CFAP61: variants seen among roughly 807,000 people sequenced by gnomAD.
CFAP61 encodes cilia and flagella associated protein 61.
A neutral mutation model predicts 135.6 loss-of-function variants in CFAP61; 107 were observed. The observed-to-expected ratio is 0.79, with a 90% CI of 0.67 to 0.93. The LOEUF (loss-of-function observed/expected upper bound fraction) is 0.93. Ranked by LOEUF, CFAP61 falls within the 40% of genes least tolerant of loss-of-function variation. CFAP61 has a pLI of 0.00. For missense variants in CFAP61, 1,507 were observed against 1,556.2 expected (o/e 0.97, Z 0.53); for synonymous variants, 575 against 578.5 (o/e 0.99, Z 0.09).
At chr20:20,291,722 C>T (rs1349106034) in intron 24 of CFAP61, among the ~76,000 whole-genome samples, 1 of 152,178 alleles carries the variant, frequency 6.6e-6, no homozygotes, top group Non-Finnish European at 1.5e-5. Context: ...AAAGCAGAAG[C>T]TGTGCAGTTG....
At chr20:20,342,983 C>T (rs1038304182) in intron 26 of CFAP61, among the ~76,000 whole-genome samples, 4 of 152,038 alleles carry the variant, frequency 2.6e-5, no homozygotes, top group Non-Finnish European at 5.9e-5. Flanking sequence ...GCCTCAGCCT[C>T]CCGAGTAGCT....
At chr20:20,272,994 A>G (rs536444556) in intron 21 of CFAP61, among the ~76,000 whole-genome samples, 4 of 151,938 alleles carry the variant, frequency 2.6e-5, no homozygotes, top group Non-Finnish European at 5.9e-5. Flanking sequence ...CCCAGAAGTT[A>G]TATCAGCCTC....
chr20:20,199,727 C>T, intron 16 of CFAP61, 41 bp from the exon 17 acceptor site: 1 of 1,611,802 alleles, frequency 6.2e-7, no homozygotes. Context: ...CTGAGCCTCT[C>T]TGACATTCTC....
chr20:20,095,068 T>C (rs2047469536), intron 7 of CFAP61, among the ~76,000 whole-genome samples: 1 of 152,190 alleles, frequency 6.6e-6, no homozygotes, highest in African/African-American at 2.4e-5. Context: ...ACAAAGTTAA[T>C]AAATACTTGA....
At chr20:20,160,759 C>A (rs1397373132) in intron 10 of CFAP61, among the ~76,000 whole-genome samples, 1 of 152,210 alleles carries the variant, frequency 6.6e-6, no homozygotes, top group Non-Finnish European at 1.5e-5. Flanking sequence ...TCTTCCTGAG[C>A]ACTCTGTGAA....
Position 20,294,937 on chromosome 20 carries a change from A to AAATAATAATAAT in CFAP61, c.3217-3215_3217-3204dup, listed in dbSNP as rs11474551. On this transcript the variant is annotated intron_variant, in intron 24 of 26. Transcript: ENST00000245957. ...GCGACAGAGCGAGACTCCGTCTCAA[A>AAATAATAATAAT]AATAATAATAATAATAATAATAATA... Among the ~76,000 whole-genome samples, 1,216 of 142,858 alleles carry AAATAATAATAAT rather than the reference A, an allele frequency of 8.5e-3. 7 individuals carry two copies. Among genetic ancestry groups the AAATAATAATAAT allele is most frequent in the African/African-American group, 0.023 (877 of 38,740 alleles). 93.7% of individuals were successfully genotyped at this position (142,858 alleles called of 152,430 possible). A position where few individuals can be genotyped will look rare whatever the true frequency, so the allele number is the denominator to read the frequency against.
intron 9 of CFAP61, among the ~76,000 whole-genome samples, chr20:20,143,732 T>C (rs2051616427): frequency 1.3e-5 from 2 of 152,160 alleles, no homozygotes; most frequent in African/African-American, 4.8e-5. Flanking sequence ...TCCCGAGTCT[T>C]TAAGTCCATG....
At chr20:20,238,891 T>G (rs1223550497) in intron 18 of CFAP61, among the ~76,000 whole-genome samples, 5 of 152,226 alleles carry the variant, frequency 3.3e-5, no homozygotes, top group Non-Finnish European at 7.4e-5. Flanking sequence ...CCCACTGGAA[T>G]TATTTGCTGT....
chr20:20,269,117 C>CTATATATATA lies in CFAP61; in HGVS notation c.2503+6008_2503+6017dup, dbSNP rs142189443. ...CGCATTGTCTGGTTCTATTCGTGGG[C>CTATATATATA]TATATATATATATATATATATATAT... On this transcript the variant is annotated intron_variant, in intron 21 of 26. Coordinates refer to ENST00000245957, the MANE Select transcript of CFAP61 (RefSeq NM_015585.4). 1.6e-3 allele frequency among the ~76,000 whole-genome samples: 168 copies of CTATATATATA among 104,552 alleles called. 2 individuals are homozygous for CTATATATATA. Among genetic ancestry groups the CTATATATATA allele is most frequent in the Middle Eastern group, 5.8e-3 (1 of 172 alleles). The allele number at this position is 104,552 out of a possible 152,430, so 68.6% of individuals were successfully genotyped here.
At chr20:20,155,662 G>GA (rs2052841675) in intron 9 of CFAP61, among the ~76,000 whole-genome samples, 1 of 151,918 alleles carries the variant, frequency 6.6e-6, no homozygotes, top group South Asian at 2.1e-4. Context: ...ACAAACATAC[G>GA]AAAAAATGCT....
At chr20:20,091,034 G>C in intron 7 of CFAP61, 58 bp downstream of exon 7, 1 of 1,592,724 alleles carries the variant, frequency 6.3e-7, no homozygotes. Context: ...GATGTGAGTG[G>C]TGTTGCTCTT....
chr20:20,155,951 G>T (rs1601026749), intron 9 of CFAP61, among the ~76,000 whole-genome samples: 1 of 152,242 alleles, frequency 6.6e-6, no homozygotes, highest in East Asian at 1.9e-4. Flanking sequence ...GTCATTATAT[G>T]AAAAATACAC....
intron 19 of CFAP61, among the ~76,000 whole-genome samples, chr20:20,251,037 T>C (rs186771078): frequency 4.6e-5 from 7 of 152,354 alleles, no homozygotes; most frequent in Admixed American, 1.3e-4. Flanking sequence ...AACTCCCTAA[T>C]TGCTATATTC....
intron 25 of CFAP61, among the ~76,000 whole-genome samples, chr20:20,334,293 AT>A (rs2058097987): frequency 1.3e-5 from 2 of 151,994 alleles, no homozygotes; most frequent in Admixed American, 1.3e-4. Context: ...CACCCTGCTA[AT>A]TTTTGTATTT....
chr20:20,064,616 C>G lies in CFAP61; in HGVS notation c.144-6238C>G, dbSNP rs568312046. Among the ~76,000 whole-genome samples the G allele has an allele frequency of 1.8e-3, 274 of 152,212 alleles. 1 individual carries two copies. Among genetic ancestry groups the G allele is most frequent in the Non-Finnish European group, 2.6e-3 (180 of 68,026 alleles). On this transcript the variant is annotated intron_variant, in intron 2 of 26. Coordinates refer to ENST00000245957, the MANE Select transcript of CFAP61 (RefSeq NM_015585.4). Reference sequence around the variant, plus strand: ...TCATCTTGCTACTCAGAATGGCATGCAATTATAAATTTATAGATTGTTTAT... The same window carrying G: ...TCATCTTGCTACTCAGAATGGCATGGAATTATAAATTTATAGATTGTTTAT...
chr20:20,069,928 A>G (rs1469435022), intron 2 of CFAP61: 4 of 276,556 alleles, frequency 1.4e-5, no homozygotes, highest in Non-Finnish European at 2.9e-5. Flanking sequence ...TTGTGTTTTG[A>G]GTGAATGTTT....
At chr20:20,144,425 A>G (rs956369902) in intron 9 of CFAP61, among the ~76,000 whole-genome samples, 1 of 152,074 alleles carries the variant, frequency 6.6e-6, no homozygotes, top group African/African-American at 2.4e-5. Flanking sequence ...ATCAATCAAG[A>G]TGAAAAATAC....
intron 21 of CFAP61, among the ~76,000 whole-genome samples, chr20:20,271,679 A>G (rs1186867126): frequency 2.6e-5 from 4 of 152,248 alleles, no homozygotes; most frequent in African/African-American, 9.6e-5. Context: ...AAAAGGAGCA[A>G]CAAAGATTGG....
chr20:20,249,530 T>A (rs973921689), intron 19 of CFAP61, among the ~76,000 whole-genome samples: 1 of 152,146 alleles, frequency 6.6e-6, no homozygotes. Context: ...CAGAGTGAGA[T>A]CTTGTCTCAA....
Sources: allele counts gnomAD v4.1 joint callset (sites outside exome capture counted in the v4.1 genomes callset), GRCh38; gene constraint gnomAD v4.1.1; transcripts MANE v1.5; gene names NCBI Gene and HGNC (gene_info 2026-07-23, HGNC 2026-07-21).